CSMD1: variants seen among roughly 807,000 people sequenced by gnomAD.
CSMD1 encodes the protein CUB and Sushi multiple domains 1.
In CSMD1, 213 loss-of-function variants were observed where a neutral mutation model predicts 417.5. The ratio of observed to expected loss-of-function variants is 0.51; its 90% confidence interval spans 0.46 to 0.57. The LOEUF (loss-of-function observed/expected upper bound fraction) is 0.57. Ranked by LOEUF, CSMD1 falls within the 20% of genes least tolerant of loss-of-function variation. The pLI, the probability that CSMD1 is intolerant of heterozygous loss-of-function variation, is 0.00. For synonymous variants in CSMD1, 2,862 were observed against 1,736.8 expected (o/e 1.65, Z -16.11); for missense variants, 6,923 against 4,529.7 (o/e 1.53, Z -15.17).
intron 1 of CSMD1, among the ~76,000 whole-genome samples, chr8:4,916,697 G>A (rs1806088394): frequency 6.6e-6 from 1 of 152,146 alleles, no homozygotes; most frequent in African/African-American, 2.4e-5. Context: ...TTTATTTAAT[G>A]AATTGTAAGG....
At chr8:4,634,264 T>A (rs769586912) in intron 2 of CSMD1, among the ~76,000 whole-genome samples, 2 of 152,208 alleles carry the variant, frequency 1.3e-5, no homozygotes, top group African/African-American at 2.4e-5. Flanking sequence ...TTTTTACATA[T>A]GTAAATAATA....
intron 62 of CSMD1, 36 bp downstream of exon 62, chr8:2,961,105 C>T: frequency 7.4e-7 from 1 of 1,358,790 alleles, no homozygotes; most frequent in Non-Finnish European, 1.0e-6. Flanking sequence ...TTTTATATTT[C>T]CAGAAAGAAA....
intron 5 of CSMD1, among the ~76,000 whole-genome samples, chr8:3,789,405 T>G: frequency 7.2e-5 from 1 of 13,960 alleles, no homozygotes; most frequent in East Asian, 2.5e-3. Context: ...TTTTTTTAAG[T>G]AAGTTTTTTT....
chr8:2,962,487 C>T lies in CSMD1; in HGVS notation c.9607G>A (p.Gly3203Ser), dbSNP rs1259302833. Residue 3203 changes from glycine (G) to serine (S), a missense_variant, in exon 61 of 70, where the codon GGC (glycine) becomes AGC (serine). Physicochemically the swap from Gly to Ser is moderately conservative, Grantham distance 56. Transcript: ENST00000635120. ...TTACCAATGCAGGTGGGTTGTATGCCGCTCCACGTGCCGTCAGCTTGGCAG... is the reference window on the plus strand; with the variant it reads ...TTACCAATGCAGGTGGGTTGTATGCTGCTCCACGTGCCGTCAGCTTGGCAG... ...RVCQADGTWS[G>S]IQPTCIDPAH... is the part of the protein sequence containing the mutation. 9.3e-6 allele frequency: 15 copies of T among 1,613,706 alleles called. No individual in the cohort carries two copies. Among genetic ancestry groups the T allele is most frequent in the African/African-American group, 2.7e-5 (2 of 74,924 alleles).
intron 41 of CSMD1, among the ~76,000 whole-genome samples, chr8:3,126,271 A>T (rs1434682173): frequency 6.6e-6 from 1 of 152,222 alleles, no homozygotes; most frequent in Non-Finnish European, 1.5e-5. Flanking sequence ...AGTAAAGCTT[A>T]GTCTTGATGG....
chr8:4,152,640 C>T (rs770229872), intron 3 of CSMD1, among the ~76,000 whole-genome samples: 5 of 151,834 alleles, frequency 3.3e-5, no homozygotes, highest in South Asian at 4.2e-4. Context: ...CAATGAGTCA[C>T]GATTGTGCCA....
At chr8:3,906,455 T>C (rs1328714046) in intron 5 of CSMD1, among the ~76,000 whole-genome samples, 1 of 152,126 alleles carries the variant, frequency 6.6e-6, no homozygotes, top group Non-Finnish European at 1.5e-5. Flanking sequence ...AATCATGATA[T>C]GAATTCTGAA....
intron 3 of CSMD1, among the ~76,000 whole-genome samples, chr8:4,310,748 A>G (rs773505768): frequency 1.3e-5 from 2 of 152,204 alleles, no homozygotes; most frequent in African/African-American, 2.4e-5. Flanking sequence ...TAGCTCCAGC[A>G]TGGAGAGGGA....
At chr8:3,536,095 T>C (rs1414036144) in intron 10 of CSMD1, among the ~76,000 whole-genome samples, 2 of 152,298 alleles carry the variant, frequency 1.3e-5, no homozygotes, top group African/African-American at 4.8e-5. Flanking sequence ...AAGTAGCTGA[T>C]AAATATTATC....
rs532647791 is a variant in CSMD1, at chr8:3,930,358, G to A, written c.818+67545C>T. 3.3e-4 allele frequency among the ~76,000 whole-genome samples: 50 copies of A among 150,578 alleles called. 3 individuals are homozygous for A. Among genetic ancestry groups the A allele is most frequent in the Admixed American group, 5.9e-4 (9 of 15,136 alleles). On this transcript the variant is annotated intron_variant, in intron 5 of 69. Coordinates refer to ENST00000635120, the MANE Select transcript of CSMD1 (RefSeq NM_033225.6). The stretch of plus-strand genomic sequence containing the variant: ...TGCCAGCCATAATAAAGAAATCAAT[G>A]TATTTTATGTTCTTAGCTCACACAA...
At chr8:3,950,127 C>A (rs1490368538) in intron 5 of CSMD1, among the ~76,000 whole-genome samples, 1 of 152,144 alleles carries the variant, frequency 6.6e-6, no homozygotes, top group African/African-American at 2.4e-5. Flanking sequence ...ACACGTTACA[C>A]TGACCTGCAT....
intron 1 of CSMD1, among the ~76,000 whole-genome samples, chr8:4,824,743 G>C (rs1313675032): frequency 2.0e-5 from 3 of 152,230 alleles, no homozygotes; most frequent in Non-Finnish European, 2.9e-5. Flanking sequence ...AACACTGCTG[G>C]AACTTGTCAC....
intron 5 of CSMD1, among the ~76,000 whole-genome samples, chr8:3,804,518 C>T (rs1292785832): frequency 6.6e-6 from 1 of 152,118 alleles, no homozygotes; most frequent in Non-Finnish European, 1.5e-5. Context: ...AGCTATAAAA[C>T]ATTTACGCAT....
At chr8:4,883,940 A>G (rs536714486) in intron 1 of CSMD1, among the ~76,000 whole-genome samples, 32 of 152,154 alleles carry the variant, frequency 2.1e-4, no homozygotes, top group African/African-American at 7.2e-4. Flanking sequence ...AATATTTCAC[A>G]TTTCCACTAG....
intron 2 of CSMD1, among the ~76,000 whole-genome samples, chr8:4,461,738 C>CTTTTT (rs1491126522): frequency 1.2e-5 from 1 of 83,854 alleles, no homozygotes; most frequent in African/African-American, 4.1e-5. Flanking sequence ...TATTTATTTA[C>CTTTTT]TTATTTTTTT....
At chr8:3,378,002 T>G (rs1810416071) in intron 18 of CSMD1, among the ~76,000 whole-genome samples, 1 of 152,192 alleles carries the variant, frequency 6.6e-6, no homozygotes, top group South Asian at 2.1e-4. Flanking sequence ...TCCAGAGGAA[T>G]GCTCATCAAG....
chr8:4,420,047 C>A lies in CSMD1; in HGVS notation c.321G>T (p.Leu107=), dbSNP rs779157309. ...ATCCTGTACTCACTATAGAGGAGGG[C>A]AGCTGAAATCCCGATAATCTAAATT... ...NLKVRLSGFQ[L]PSSIVSTGSI... is the part of the protein sequence containing the mutation. The change falls in exon 3 of 70, where the codon CTG becomes CTT. Residue 107 remains leucine (L), a synonymous_variant. Coordinates refer to ENST00000635120, the MANE Select transcript of CSMD1 (RefSeq NM_033225.6). The A allele has an allele frequency of 2.5e-6, 4 of 1,569,216 alleles. No homozygotes were observed. The African/African-American group carries it at 4.1e-5, about 16-fold the overall frequency.
At chr8:4,620,856 C>A (rs1801738223) in intron 2 of CSMD1, among the ~76,000 whole-genome samples, 1 of 150,368 alleles carries the variant, frequency 6.7e-6, no homozygotes, top group Non-Finnish European at 1.5e-5. Context: ...AGACTAAACC[C>A]AAAATAAATA....
chr8:3,069,327 C>T (rs184662755), intron 49 of CSMD1, among the ~76,000 whole-genome samples: 6 of 151,614 alleles, frequency 4.0e-5, no homozygotes, highest in East Asian at 1.9e-4. Flanking sequence ...CCCAGCTACT[C>T]GGGAGGCTAA....
Sources: gnomAD v4.1 joint callset for allele counts (sites outside exome capture counted in the v4.1 genomes callset) on GRCh38, gnomAD v4.1.1 for gene constraint, MANE v1.5 for transcripts, NCBI Gene and HGNC (gene_info 2026-07-23, HGNC 2026-07-21) for gene names.